GRM8: variants seen among roughly 807,000 people sequenced by gnomAD.
GRM8 encodes glutamate metabotropic receptor 8.
GRM8 carries 47 observed loss-of-function variants against 87.2 expected under a neutral mutation model. The observed-to-expected ratio is 0.54, with a 90% CI of 0.43 to 0.69. The LOEUF is 0.69. Among genes scored for constraint, GRM8 ranks in the 30% least tolerant of loss-of-function variants. GRM8 has a pLI of 0.00. For synonymous variants in GRM8, 396 were observed against 404.5 expected (o/e 0.98, Z 0.25); for missense variants, 1,019 against 1,139.2 (o/e 0.89, Z 1.52).
intron 3 of GRM8, among the ~76,000 whole-genome samples, chr7:126,976,854 C>A (rs535061088): frequency 6.6e-6 from 1 of 151,682 alleles, no homozygotes; most frequent in East Asian, 1.9e-4. Context: ...GAAACTAGTT[C>A]CTGTTTTACT....
intron 2 of GRM8, among the ~76,000 whole-genome samples, chr7:127,205,326 G>A (rs1795842802): frequency 6.6e-6 from 1 of 152,188 alleles, no homozygotes. Context: ...GGTGAGATGG[G>A]AGGAGCCACC....
intron 3 of GRM8, among the ~76,000 whole-genome samples, chr7:126,907,560 G>A (rs1423784083): frequency 6.6e-6 from 1 of 151,926 alleles, no homozygotes; most frequent in Non-Finnish European, 1.5e-5. Flanking sequence ...GAGGGTGAGA[G>A]GAGTGGGCAA....
intron 3 of GRM8, among the ~76,000 whole-genome samples, chr7:126,930,819 G>A (rs1001385767): frequency 2.0e-5 from 3 of 152,212 alleles, no homozygotes; most frequent in African/African-American, 7.2e-5. Context: ...CAACTGAGGT[G>A]TATTTTGTAT....
At chr7:126,653,960 C>T (rs1015527175) in intron 7 of GRM8, among the ~76,000 whole-genome samples, 1 of 152,154 alleles carries the variant, frequency 6.6e-6, no homozygotes, top group Non-Finnish European at 1.5e-5. Context: ...AAACTATAAA[C>T]AACTGCTGGA....
At chr7:126,445,286 G>A (rs1164501282) in intron 10 of GRM8, 2 of 151,994 alleles carry the variant, frequency 1.3e-5, no homozygotes, top group South Asian at 2.1e-4. Context: ...GTAAGGTAAA[G>A]GTTGTAATGT....
chr7:126,615,506 T>A (rs1473517745), intron 7 of GRM8, among the ~76,000 whole-genome samples: 1 of 152,064 alleles, frequency 6.6e-6, no homozygotes, highest in Non-Finnish European at 1.5e-5. Flanking sequence ...AATGACAGGA[T>A]CAAATTCACA....
chr7:126,901,518 A>G (rs2131194252), intron 6 of GRM8, among the ~76,000 whole-genome samples: 1 of 152,302 alleles, frequency 6.6e-6, no homozygotes. Flanking sequence ...GAAGCCTGAA[A>G]TCAGATTCTT....
Position 126,533,369 on chromosome 7 carries a change from G to A in GRM8, c.2013C>T (p.Asn671=), listed in dbSNP as rs267601268. The A allele has an allele frequency of 6.2e-7, 1 of 1,613,880 alleles. No homozygotes were observed. The highest frequency in any genetic ancestry group is 1.3e-5 in the African/African-American group (1 of 74,872). Residue 671 remains asparagine (N), a synonymous_variant, in exon 9 of 11, where the codon AAC becomes AAT. Coordinates refer to ENST00000339582, the MANE Select transcript of GRM8 (RefSeq NM_000845.3). ...CCTGCTCAAATATTCGGTGGATACG[G>A]TTTGTTTTGGTCAGAAGGGCTGCAT... is the stretch of plus-strand genomic sequence containing the variant. ...FSYAALLTKT[N]RIHRIFEQGK...
At chr7:126,797,876 T>A (rs1339491414) in intron 6 of GRM8, among the ~76,000 whole-genome samples, 2 of 152,132 alleles carry the variant, frequency 1.3e-5, no homozygotes, top group African/African-American at 4.8e-5. Context: ...TCAAGCCCAA[T>A]ACTATCTAAA....
chr7:126,749,925 T>G (rs1816217286), intron 7 of GRM8, among the ~76,000 whole-genome samples: 1 of 152,132 alleles, frequency 6.6e-6, no homozygotes, highest in Non-Finnish European at 1.5e-5. Flanking sequence ...TAGAAAACAG[T>G]TTGTCAGTCT....
intron 6 of GRM8, among the ~76,000 whole-genome samples, chr7:126,885,049 A>G (rs13311870): frequency 6.6e-6 from 1 of 152,174 alleles, no homozygotes; most frequent in African/African-American, 2.4e-5. Flanking sequence ...CACTGACTAC[A>G]TACCTCTGCA....
chr7:127,096,255 G>A (rs1034430619), intron 3 of GRM8, among the ~76,000 whole-genome samples: 2 of 150,612 alleles, frequency 1.3e-5, no homozygotes, highest in Middle Eastern at 3.2e-3. Context: ...GTGTAGATGG[G>A]CTCCTTACAA....
intron 7 of GRM8, among the ~76,000 whole-genome samples, chr7:126,655,501 C>A (rs988558013): frequency 6.6e-6 from 1 of 151,796 alleles, no homozygotes; most frequent in African/African-American, 2.4e-5. Flanking sequence ...CTGTTGCTGT[C>A]TCTCTCTCTC....
intron 7 of GRM8, chr7:126,701,906 A>G (rs758373955): frequency 4.2e-6 from 2 of 478,376 alleles, no homozygotes; most frequent in Non-Finnish European, 8.1e-6. Context: ...AGACAGCCCC[A>G]TGTCATGCCT....
At chr7:127,040,604 GAA>G (rs34065508) in intron 3 of GRM8, among the ~76,000 whole-genome samples, 108,752 of 147,930 alleles carry the variant, frequency 0.74, 40,795 homozygotes, top group African/African-American at 0.85. Context: ...TATTCCTTGT[GAA>G]AAAAAAAAAA....
At chr7:126,606,641 C>T (rs1217254156) in intron 8 of GRM8, among the ~76,000 whole-genome samples, 1 of 152,210 alleles carries the variant, frequency 6.6e-6, no homozygotes, top group Non-Finnish European at 1.5e-5. Context: ...TTTATAACCT[C>T]TCTCCACAGT....
intron 6 of GRM8, among the ~76,000 whole-genome samples, chr7:126,825,896 G>T (rs1269096866): frequency 1.7e-5 from 2 of 117,136 alleles, no homozygotes; most frequent in African/African-American, 3.3e-5. Flanking sequence ...ACAGTCCCCA[G>T]AGTGTGATGT....
At chr7:127,200,876 T>C (rs1446860984) in intron 2 of GRM8, among the ~76,000 whole-genome samples, 1 of 152,196 alleles carries the variant, frequency 6.6e-6, no homozygotes, top group Non-Finnish European at 1.5e-5. Context: ...GACACAAATT[T>C]TGGGGAACAT....
chr7:126,767,640 G>C (rs1818336701), intron 7 of GRM8, among the ~76,000 whole-genome samples: 1 of 151,828 alleles, frequency 6.6e-6, no homozygotes, highest in Non-Finnish European at 1.5e-5. Flanking sequence ...TAGTTTTGAT[G>C]GTGTACTTTT....
Sources: gnomAD v4.1 joint callset for allele counts (sites outside exome capture counted in the v4.1 genomes callset) on GRCh38, gnomAD v4.1.1 for gene constraint, MANE v1.5 for transcripts, NCBI Gene and HGNC (gene_info 2026-07-23, HGNC 2026-07-21) for gene names.